The following SLC30A9 variants were observed in gnomAD, a reference collection of about 807,000 sequenced individuals.
The protein encoded by SLC30A9 is proton-coupled zinc antiporter SLC30A9, mitochondrial.
Under a neutral mutation model 87.5 loss-of-function variants are expected in SLC30A9, and 58 were observed. The ratio of observed to expected loss-of-function variants is 0.66; its 90% CI spans 0.54 to 0.82. The LOEUF (loss-of-function observed/expected upper bound fraction) is 0.82, where lower values mean the gene tolerates loss of function less well. Among genes scored for constraint, SLC30A9 ranks in the 40% least tolerant of loss-of-function variants. SLC30A9 has a pLI of 0.00. For missense variants in SLC30A9, 557 were observed against 679.1 expected (o/e 0.82, Z 2.00); for synonymous variants, 234 against 233.0 (o/e 1.00, Z -0.04).
At chr4:42,033,266 G>C (rs1029891029) in intron 6 of SLC30A9, among the ~76,000 whole-genome samples, 2 of 151,540 alleles carry the variant, frequency 1.3e-5, no homozygotes, top group Non-Finnish European at 2.9e-5. Context: ...TTCCATCTCT[G>C]TCCTTTCCAC....
At chr4:42,030,025 A>G (rs1243443152) in intron 6 of SLC30A9, 13 of 882,510 alleles carry the variant, frequency 1.5e-5, no homozygotes, top group Non-Finnish European at 2.0e-5. Context: ...ATGGACACTG[A>G]AATTCGCCTA....
intron 9 of SLC30A9, among the ~76,000 whole-genome samples, chr4:42,049,765 A>G (rs1577708399): frequency 1.3e-5 from 2 of 152,216 alleles, no homozygotes; most frequent in East Asian, 1.9e-4. Flanking sequence ...GTAATAGTCA[A>G]TGAATTTAAA....
chr4:42,048,108 A>G (rs1442793411), intron 8 of SLC30A9, among the ~76,000 whole-genome samples: 1 of 152,212 alleles, frequency 6.6e-6, no homozygotes, highest in Non-Finnish European at 1.5e-5. Context: ...GGATAGCATT[A>G]GGAGAAATAC....
At chr4:42,027,821 A>G (rs1164629644) in intron 6 of SLC30A9, among the ~76,000 whole-genome samples, 1 of 152,246 alleles carries the variant, frequency 6.6e-6, no homozygotes, top group Admixed American at 6.5e-5. Flanking sequence ...CAAGCAAAGA[A>G]AGTGGGTTTC....
In SLC30A9 at chr4:42,046,074, A is replaced by T. The variant is rs4861157; in HGVS notation, c.738-3303A>T. Among the ~76,000 whole-genome samples, 3 of 152,140 alleles carry T rather than the reference A, an allele frequency of 2.0e-5. No individual in the cohort carries two copies. The South Asian group carries it at 6.2e-4, about 32-fold the overall frequency. Reference sequence around the variant, plus strand: ...CTCTCACCTTAAACTAGGTATTGGCAGAACGTATCTCAAAATAAAAAGAGC... The same window carrying T: ...CTCTCACCTTAAACTAGGTATTGGCTGAACGTATCTCAAAATAAAAAGAGC... On this transcript the variant is annotated intron_variant, in intron 8 of 17. Coordinates refer to ENST00000264451, the MANE Select transcript of SLC30A9 (RefSeq NM_006345.4).
intron 7 of SLC30A9, among the ~76,000 whole-genome samples, chr4:42,037,239 C>CTTTTTTTTTT (rs536795831): frequency 2.4e-4 from 22 of 91,218 alleles, no homozygotes; most frequent in African/African-American, 3.7e-4. Flanking sequence ...TAAATGCCTT[C>CTTTTTTTTTT]TTTTTTTTTT....
chr4:42,022,561 C>T (rs969908140), intron 4 of SLC30A9, among the ~76,000 whole-genome samples: 4 of 152,052 alleles, frequency 2.6e-5, no homozygotes, highest in Non-Finnish European at 5.9e-5. Flanking sequence ...GTGGTGTGCC[C>T]ATAGCAGATA....
intron 4 of SLC30A9, among the ~76,000 whole-genome samples, chr4:42,021,382 G>T (rs899357907): frequency 6.6e-6 from 1 of 152,172 alleles, no homozygotes; most frequent in Non-Finnish European, 1.5e-5. Context: ...TTACTAACAT[G>T]TGATGGTTAT....
chr4:42,002,627 T>G (rs778290277), intron 2 of SLC30A9, among the ~76,000 whole-genome samples: 1 of 152,170 alleles, frequency 6.6e-6, no homozygotes, highest in Non-Finnish European at 1.5e-5. Flanking sequence ...TGTGGCTGCA[T>G]GGTATTCCAT....
Position 42,065,277 on chromosome 4 carries a change from A to G in SLC30A9, c.1033-33A>G, listed in dbSNP as rs1718035965. 3 of 1,060,636 alleles carry G rather than the reference A, an allele frequency of 2.8e-6. No individual in the cohort carries two copies. In the Admixed American group the frequency reaches 5.1e-5, roughly 18 times the overall value. The allele number at this position is 1,060,636 out of a possible 1,614,324, so 65.7% of individuals were successfully genotyped here. Reference sequence around the variant, plus strand: ...TGAACAATTGTGATTGGAAGTACTTAATTTATGCTTTATTTTAATATTTCT... The same window carrying G: ...TGAACAATTGTGATTGGAAGTACTTGATTTATGCTTTATTTTAATATTTCT... On this transcript the variant is annotated intron_variant, in intron 11 of 17. Transcript: ENST00000264451.
chr4:41,997,003 C>T (rs1468238931), intron 1 of SLC30A9, among the ~76,000 whole-genome samples: 1 of 150,062 alleles, frequency 6.7e-6, no homozygotes, highest in African/African-American at 2.4e-5. Context: ...CACTGCACTC[C>T]AGCCTGGATG....
intron 7 of SLC30A9, among the ~76,000 whole-genome samples, chr4:42,037,411 A>G (rs1716730455): frequency 6.6e-6 from 1 of 151,628 alleles, no homozygotes. Context: ...TTCCCCTTTA[A>G]TACCTTTCTA....
intron 8 of SLC30A9, among the ~76,000 whole-genome samples, chr4:42,039,940 GATATA>G (rs1031626104): frequency 1.5e-4 from 23 of 152,002 alleles, no homozygotes; most frequent in African/African-American, 5.6e-4. Flanking sequence ...AAAATATAAA[GATATA>G]ATACATAATT....
In SLC30A9 at chr4:42,089,139, G is replaced by T. The variant is rs1719020525; in HGVS notation, c.*3013G>T. ...CAAAAATAATACTGGACAGAGGAGG[G>T]GCAGTCAAGGGTCCATGATTGATTC... On this transcript the variant is annotated 3_prime_UTR_variant, in exon 18 of 18. Coordinates refer to ENST00000264451, the MANE Select transcript of SLC30A9 (RefSeq NM_006345.4). The T allele has an allele frequency of 6.6e-6, 1 of 152,156 alleles. No individual in the cohort carries two copies. Among genetic ancestry groups the T allele is most frequent in the Non-Finnish European group, 1.5e-5 (1 of 68,024 alleles). 9.4% of individuals were successfully genotyped at this position (152,156 alleles called of 1,614,324 possible).
At chr4:42,031,698 C>T (rs1449031243) in intron 6 of SLC30A9, among the ~76,000 whole-genome samples, 1 of 152,090 alleles carries the variant, frequency 6.6e-6, no homozygotes, top group Admixed American at 6.5e-5. Flanking sequence ...TTTATCCTAT[C>T]CCCCCAAAAA....
chr4:42,016,961 T>C (rs1715749631), intron 2 of SLC30A9, among the ~76,000 whole-genome samples: 1 of 152,198 alleles, frequency 6.6e-6, no homozygotes, highest in Non-Finnish European at 1.5e-5. Context: ...TATATTGACC[T>C]AGAAGAATTG....
At chr4:42,032,645 A>G (rs925773361) in intron 6 of SLC30A9, among the ~76,000 whole-genome samples, 39 of 152,302 alleles carry the variant, frequency 2.6e-4, no homozygotes, top group African/African-American at 9.4e-4. Context: ...GCAGTGGGAT[A>G]GGAAGATCAA....
intron 1 of SLC30A9, among the ~76,000 whole-genome samples, chr4:41,997,768 TTAA>T (rs1714785093): frequency 6.6e-6 from 1 of 152,196 alleles, no homozygotes; most frequent in Non-Finnish European, 1.5e-5. Flanking sequence ...AAATTCACAC[TTAA>T]TAACCTCTTT....
chr4:42,084,070 T>C (rs1032818035), intron 17 of SLC30A9, among the ~76,000 whole-genome samples: 1 of 152,232 alleles, frequency 6.6e-6, no homozygotes, highest in Admixed American at 6.5e-5. Context: ...CTAGGATATT[T>C]TTAAGCTAGG....
Sources: gnomAD v4.1 joint callset for allele counts (sites outside exome capture counted in the v4.1 genomes callset) on GRCh38, gnomAD v4.1.1 for gene constraint, MANE v1.5 for transcripts, NCBI Gene and HGNC (gene_info 2026-07-23, HGNC 2026-07-21) for gene names.